The following HDAC2 variants were observed in gnomAD, a reference collection of about 807,000 sequenced individuals.
HDAC2 encodes YY1-associated factor 1.
Under a neutral mutation model 68.5 loss-of-function variants are expected in HDAC2, and 5 were observed. The ratio of observed to expected loss-of-function variants is 0.07; its 90% confidence interval spans 0.04 to 0.15. The LOEUF is 0.15. HDAC2 is among the 10% of genes least tolerant of loss of function. The pLI is 1.00. For missense variants in HDAC2, 291 were observed against 600.8 expected (o/e 0.48, Z 5.39); for synonymous variants, 182 against 191.3 (o/e 0.95, Z 0.40).
chr6:113,941,235 C>T, intron 13 of HDAC2, 147 bp from the exon 14 acceptor site: 1 of 487,462 alleles, frequency 2.1e-6, no homozygotes, highest in Non-Finnish European at 3.5e-6. Flanking sequence ...TAATTAATGC[C>T]TTAATTTTTC....
At chr6:113,942,293 T>C (rs10499078) in intron 12 of HDAC2, among the ~76,000 whole-genome samples, 2,138 of 152,178 alleles carry the variant, frequency 0.014, 46 homozygotes, top group African/African-American at 0.049. Context: ...CAGTTACAAA[T>C]ATAGACTGAA....
In HDAC2 at chr6:113,941,736, TG is replaced by T; in HGVS notation, c.1407del (p.Asp469GlufsTer37). ...TDVKEEDKSKDNSGEKTDTKG... is the reference protein window; with the variant it reads ...TDVKEEDKSKXNSGEKTDTKG... ...TTGGTATCTGTTTTTTCACCACTGT[TG>T]TCCTTGGATTTATCTTCTTCCTTAA... On this transcript the variant is annotated frameshift_variant, in exon 13 of 14. Transcript: ENST00000519065. LOFTEE classifies it high-confidence loss of function. 6.9e-7 allele frequency: 1 copy of T among 1,457,318 alleles called. No individual in the cohort carries two copies. Among genetic ancestry groups the T allele is most frequent in the East Asian group, 2.4e-5 (1 of 40,952 alleles). 90.3% of individuals were successfully genotyped at this position (1,457,318 alleles called of 1,614,324 possible). A position where few individuals can be genotyped will look rare whatever the true frequency, so the allele number is the denominator to read the frequency against.
At chr6:113,959,226 T>TCTTCCACAAGA (rs1776623720) in intron 2 of HDAC2, among the ~76,000 whole-genome samples, 2 of 152,248 alleles carry the variant, frequency 1.3e-5, no homozygotes, top group African/African-American at 4.8e-5. Context: ...ATGACACAAT[T>TCTTCCACAAGA]CTTCCACAAG....
At chr6:113,949,387 G>C in intron 6 of HDAC2, 127 bp from the exon 7 acceptor site, 1 of 641,446 alleles carries the variant, frequency 1.6e-6, no homozygotes, top group Non-Finnish European at 2.8e-6. Context: ...CATCTTAGAA[G>C]TTGAGACCGG....
In HDAC2 at chr6:113,970,885, G is replaced by A; in HGVS notation, c.24C>T (p.Gly8=). The part of the protein sequence containing the change: MAYSQGG[G]KKKVCYYYDG... ...CGTAGTAGTAGCAGACTTTTTTTTTGCCGCCTCCTTGACTGTACGCCATGG... is the reference window on the plus strand; with the variant it reads ...CGTAGTAGTAGCAGACTTTTTTTTTACCGCCTCCTTGACTGTACGCCATGG... Residue 8 remains glycine, a synonymous_variant, in exon 1 of 14, where the codon GGC becomes GGT. Coordinates refer to ENST00000519065, the MANE Select transcript of HDAC2 (RefSeq NM_001527.4). The A allele has an allele frequency of 1.3e-6, 2 of 1,538,168 alleles. No individual in the cohort carries two copies. Among genetic ancestry groups the A allele is most frequent in the Non-Finnish European group, 1.7e-6 (2 of 1,143,896 alleles).
intron 6 of HDAC2, among the ~76,000 whole-genome samples, chr6:113,951,643 A>G (rs1776419631): frequency 6.6e-6 from 1 of 151,756 alleles, no homozygotes; most frequent in African/African-American, 2.4e-5. Flanking sequence ...AATTTTTTGT[A>G]TTTTTAGTGG....
intron 3 of HDAC2, among the ~76,000 whole-genome samples, chr6:113,957,482 A>C (rs1365645881): frequency 6.7e-6 from 1 of 149,250 alleles, no homozygotes; most frequent in East Asian, 2.0e-4. Context: ...GAGAGATCAT[A>C]ATCTTTTTTT....
chr6:113,952,870 T>TA (rs1776453390), intron 6 of HDAC2, among the ~76,000 whole-genome samples: 1 of 152,110 alleles, frequency 6.6e-6, no homozygotes, highest in Non-Finnish European at 1.5e-5. Flanking sequence ...TTAGATCTAC[T>TA]AAAAATCAAG....
intron 1 of HDAC2, among the ~76,000 whole-genome samples, chr6:113,960,583 T>C (rs565532810): frequency 7.2e-5 from 11 of 152,162 alleles, no homozygotes; most frequent in Non-Finnish European, 1.3e-4. Context: ...GTAATAAAAA[T>C]ACTGTCTCAT....
In HDAC2 at chr6:113,957,831, A is replaced by G. The variant is rs139813897; in HGVS notation, c.283+818T>C. 2.5e-3 allele frequency among the ~76,000 whole-genome samples: 378 copies of G among 152,254 alleles called. 1 individual carries two copies. Among genetic ancestry groups the G allele is most frequent in the African/African-American group, 8.1e-3 (336 of 41,548 alleles). On this transcript the variant is annotated intron_variant, in intron 3 of 13. Transcript: ENST00000519065. Reference sequence around the variant, plus strand: ...GAACTCATTATTATGTGGGTTTTAAATCAATCCTGTTATGTTGTTTGCCCA... The same window carrying G: ...GAACTCATTATTATGTGGGTTTTAAGTCAATCCTGTTATGTTGTTTGCCCA...
rs1351164178 is a variant in HDAC2, at chr6:113,933,441, G to T, written c.*7617C>A. 6.6e-6 allele frequency: 1 copy of T among 151,972 alleles called. No individual in the cohort carries two copies. The highest frequency in any genetic ancestry group is 1.5e-5 in the Non-Finnish European group (1 of 67,950). 9.4% of individuals were successfully genotyped at this position (151,972 alleles called of 1,614,324 possible). A position where few individuals can be genotyped will look rare whatever the true frequency, so the allele number is the denominator to read the frequency against. ...TTCAGTTATTCTGACTCCTGGACCT[G>T]AGATTCGATCCTATCCCATCCCATC... On this transcript the variant is annotated 3_prime_UTR_variant, in exon 14 of 14. Transcript: ENST00000519065.
chr6:113,951,530 C>T (rs987879298), intron 6 of HDAC2, among the ~76,000 whole-genome samples: 1 of 145,616 alleles, frequency 6.9e-6, no homozygotes, highest in African/African-American at 2.6e-5. Context: ...TGCAGTGGAG[C>T]GATCTCGGCT....
At chr6:113,945,332 G>A (rs751406838) in intron 10 of HDAC2, 30 bp downstream of exon 10, 50 of 1,023,084 alleles carry the variant, frequency 4.9e-5, no homozygotes, top group Non-Finnish European at 7.4e-5. Flanking sequence ...AAGATAAAAT[G>A]TTTATCAAAA....
intron 10 of HDAC2, 80 bp downstream of exon 10, chr6:113,945,279 GACC>G (rs1309772024): frequency 1.8e-6 from 1 of 558,956 alleles, no homozygotes; most frequent in Non-Finnish European, 3.2e-6. Context: ...AAGTTAAAAA[GACC>G]CATCATACTT....
Position 113,938,055 on chromosome 6 carries a change from G to A in HDAC2, c.*3003C>T, listed in dbSNP as rs1776045632. On this transcript the variant is annotated 3_prime_UTR_variant, in exon 14 of 14. Transcript: ENST00000519065. The stretch of plus-strand genomic sequence containing the variant: ...CCAGCTACTCAGGAGGCTGAGGCAG[G>A]AGAATGGCTTCAACCTGGGAGGCGG... 6.6e-6 allele frequency: 1 copy of A among 152,282 alleles called. No homozygotes were observed. Among genetic ancestry groups the A allele is most frequent in the Admixed American group, 6.5e-5 (1 of 15,292 alleles). 9.4% of individuals were successfully genotyped at this position (152,282 alleles called of 1,614,324 possible).
intron 11 of HDAC2, among the ~76,000 whole-genome samples, chr6:113,943,846 G>C (rs2114590011): frequency 6.6e-6 from 1 of 152,122 alleles, no homozygotes; most frequent in Non-Finnish European, 1.5e-5. Flanking sequence ...TCAGAGCTGA[G>C]AGGTGAAGTA....
At chr6:113,970,825 G>A (rs1403189343) in intron 1 of HDAC2, 32 bp downstream of exon 1, 7 of 1,520,438 alleles carry the variant, frequency 4.6e-6, no homozygotes, top group African/African-American at 1.4e-5. Context: ...CCGGCCCCGC[G>A]CGCCCACCCC....
In HDAC2 at chr6:113,970,949, C is replaced by CTGT; in HGVS notation, c.-42_-41insACA. 1 of 1,527,636 alleles carries CTGT rather than the reference C, an allele frequency of 6.5e-7. No individual in the cohort carries two copies. 94.6% of individuals were successfully genotyped at this position (1,527,636 alleles called of 1,614,324 possible). ...CGCCGCCACCGGGCTCCTCCTCCTG[C>CTGT]TGCTGCTGCTGCTGCTGCTGCCGCC... On this transcript the variant is annotated 5_prime_UTR_variant, in exon 1 of 14. Transcript: ENST00000519065.
intron 1 of HDAC2, among the ~76,000 whole-genome samples, chr6:113,960,985 C>T (rs1776670364): frequency 6.6e-6 from 1 of 152,030 alleles, no homozygotes; most frequent in Non-Finnish European, 1.5e-5. Flanking sequence ...TATGAGTAAT[C>T]TAGAGATGAC....
Sources: allele counts gnomAD v4.1 joint callset (sites outside exome capture counted in the v4.1 genomes callset), GRCh38; gene constraint gnomAD v4.1.1; transcripts MANE v1.5; gene names NCBI Gene and HGNC (gene_info 2026-07-23, HGNC 2026-07-21).